Variants in GLIS3 observed in about 807,000 individuals in gnomAD.
GLIS3 encodes zinc finger protein GLIS3.
Under a neutral mutation model 78.6 loss-of-function variants are expected in GLIS3, and 53 were observed. The observed-to-expected ratio is 0.67, with a 90% CI of 0.54 to 0.85. GLIS3 has a LOEUF of 0.85. GLIS3 is among the 40% of genes least tolerant of loss of function. GLIS3 has a pLI of 0.00. For missense variants in GLIS3, 1,703 were observed against 1,231.1 expected, an observed-to-expected ratio of 1.38 and a Z score of -5.74; for synonymous variants, 684 against 509.9, an observed-to-expected ratio of 1.34 and a Z score of -4.60.
chr9:3,973,583 C>A lies in GLIS3; in HGVS notation c.1711-36394G>T, dbSNP rs181490736. 2.8e-3 allele frequency among the ~76,000 whole-genome samples: 423 copies of A among 152,266 alleles called. 3 individuals are homozygous for A. Among genetic ancestry groups the A allele is most frequent in the African/African-American group, 9.8e-3 (409 of 41,562 alleles). On this transcript the variant is annotated intron_variant, in intron 4 of 10. Coordinates refer to ENST00000381971, the MANE Select transcript of GLIS3 (RefSeq NM_001042413.2). ...AGTTCTTTATTACACAAAAAATTTACCTGTTATTACTAATCGTGCTAATCC... is the reference window on the plus strand; with the variant it reads ...AGTTCTTTATTACACAAAAAATTTAACTGTTATTACTAATCGTGCTAATCC...
chr9:3,956,828 T>C (rs1817144326), intron 4 of GLIS3, among the ~76,000 whole-genome samples: 1 of 152,236 alleles, frequency 6.6e-6, no homozygotes, highest in South Asian at 2.1e-4. Flanking sequence ...GGCTTTTTTC[T>C]TTTGCAGCTT....
At chr9:3,999,174 C>A (rs1370406371) in intron 4 of GLIS3, among the ~76,000 whole-genome samples, 2 of 152,112 alleles carry the variant, frequency 1.3e-5, no homozygotes, top group Admixed American at 6.6e-5. Flanking sequence ...GTAATTGAAC[C>A]AATCTCTATA....
At chr9:3,932,227 C>T in intron 6 of GLIS3, 133 bp downstream of exon 6, 1 of 696,546 alleles carries the variant, frequency 1.4e-6, no homozygotes, top group Non-Finnish European at 2.6e-6. Context: ...GGGAGACTTA[C>T]CTCCTCAAAC....
At chr9:4,177,129 CAAAAACAAAA>C (rs1816878823) in intron 2 of GLIS3, among the ~76,000 whole-genome samples, 1 of 137,394 alleles carries the variant, frequency 7.3e-6, no homozygotes, top group African/African-American at 2.7e-5. Flanking sequence ...ATTTGATGAG[CAAAAACAAAA>C]CAAAACAAAA....
At chr9:4,099,422 C>T (rs13296655) in intron 4 of GLIS3, among the ~76,000 whole-genome samples, 39,667 of 151,572 alleles carry the variant, frequency 0.26, 5,801 homozygotes, top group East Asian at 0.49. Flanking sequence ...GTTGCCCCCC[C>T]GAGCCTCTGT....
chr9:4,102,545 T>C (rs971851540), intron 4 of GLIS3, among the ~76,000 whole-genome samples: 13 of 152,144 alleles, frequency 8.5e-5, no homozygotes, highest in Admixed American at 3.3e-4. Flanking sequence ...GCTATCGGCA[T>C]CTGGTAGTTA....
At chr9:4,091,665 C>T (rs1023997704) in intron 4 of GLIS3, among the ~76,000 whole-genome samples, 3 of 152,096 alleles carry the variant, frequency 2.0e-5, no homozygotes, top group African/African-American at 4.8e-5. Flanking sequence ...GAGCATCCCC[C>T]TTCGCTCGAC....
chr9:4,470,090 T>A, the GLIS3 span, among the ~76,000 whole-genome samples: 2 of 152,054 alleles, frequency 1.3e-5, no homozygotes, highest in Non-Finnish European at 2.9e-5. Flanking sequence ...AATAACAGGC[T>A]CTGAAATTGA....
At chr9:4,059,005 A>G (rs909752516) in intron 4 of GLIS3, among the ~76,000 whole-genome samples, 3 of 152,008 alleles carry the variant, frequency 2.0e-5, no homozygotes, top group African/African-American at 7.2e-5. Flanking sequence ...AAAAAAGAAA[A>G]AAAGAAAAGG....
At chr9:4,168,397 T>C (rs1030643893) in intron 2 of GLIS3, among the ~76,000 whole-genome samples, 1 of 152,206 alleles carries the variant, frequency 6.6e-6, no homozygotes, top group Non-Finnish European at 1.5e-5. Context: ...AAGAAATGGA[T>C]AATGATCCAA....
chr9:4,052,406 T>TG (rs575357838), intron 4 of GLIS3, among the ~76,000 whole-genome samples: 2 of 152,178 alleles, frequency 1.3e-5, no homozygotes, highest in Non-Finnish European at 2.9e-5. Context: ...TTCATAATGG[T>TG]GTACAACTAT....
At chr9:3,858,395 A>G (rs1386768844) in intron 8 of GLIS3, among the ~76,000 whole-genome samples, 1 of 152,194 alleles carries the variant, frequency 6.6e-6, no homozygotes, top group East Asian at 1.9e-4. Flanking sequence ...CTTGACTACC[A>G]AATATTACCC....
At chr9:4,214,766 G>C (rs1587000717) in intron 2 of GLIS3, among the ~76,000 whole-genome samples, 1 of 152,138 alleles carries the variant, frequency 6.6e-6, no homozygotes, top group Non-Finnish European at 1.5e-5. Flanking sequence ...ACTGTGGCTT[G>C]TTACACCATT....
chr9:4,287,163 G>A (rs759005580), intron 1 of GLIS3, among the ~76,000 whole-genome samples: 2 of 152,140 alleles, frequency 1.3e-5, no homozygotes, highest in Non-Finnish European at 2.9e-5. Context: ...TTATGGGGAT[G>A]GGAAGAGAAT....
intron 2 of GLIS3, among the ~76,000 whole-genome samples, chr9:4,236,383 A>G (rs1180461204): frequency 6.6e-6 from 1 of 152,080 alleles, no homozygotes; most frequent in African/African-American, 2.4e-5. Context: ...CTCCAAACAA[A>G]CAGATTGCAA....
At chr9:4,281,512 C>T (rs1827548918) in intron 2 of GLIS3, among the ~76,000 whole-genome samples, 1 of 152,240 alleles carries the variant, frequency 6.6e-6, no homozygotes, top group African/African-American at 2.4e-5. Context: ...CCAGGAACTT[C>T]ATACAAAAGG....
chr9:4,223,705 T>C (rs1821522903), intron 2 of GLIS3, among the ~76,000 whole-genome samples: 1 of 152,202 alleles, frequency 6.6e-6, no homozygotes, highest in Admixed American at 6.5e-5. Flanking sequence ...TTCTGGCCAA[T>C]ATTTTTAAAT....
At chr9:4,145,657 T>C (rs947875730) in intron 2 of GLIS3, among the ~76,000 whole-genome samples, 2 of 152,046 alleles carry the variant, frequency 1.3e-5, no homozygotes, top group African/African-American at 4.8e-5. Flanking sequence ...CAGTGCCCTC[T>C]GTCAGAGGGA....
rs539259708 is a variant in GLIS3, at chr9:3,860,198, C to A, written c.2298-4014G>T. Among the ~76,000 whole-genome samples, 419 of 129,544 alleles carry A rather than the reference C, an allele frequency of 3.2e-3. 3 individuals carry two copies. Among genetic ancestry groups the A allele is most frequent in the Non-Finnish European group, 3.5e-3 (223 of 64,556 alleles). 85.0% of individuals were successfully genotyped at this position (129,544 alleles called of 152,430 possible). ...GCTGAGGCAGGAGAATGGCGTGAATCCGGGAGGCGGAGCTTGCAATGAGCT... is the reference window on the plus strand; with the variant it reads ...GCTGAGGCAGGAGAATGGCGTGAATACGGGAGGCGGAGCTTGCAATGAGCT... On this transcript the variant is annotated intron_variant, in intron 8 of 10. Transcript: ENST00000381971.
Sources: allele counts gnomAD v4.1 joint callset (sites outside exome capture counted in the v4.1 genomes callset), GRCh38; gene constraint gnomAD v4.1.1; transcripts MANE v1.5; gene names NCBI Gene and HGNC (gene_info 2026-07-23, HGNC 2026-07-21).